GRM8: variants seen among roughly 807,000 people sequenced by gnomAD.
GRM8 encodes the protein glutamate metabotropic receptor 8.
Under a neutral mutation model 87.2 loss-of-function variants are expected in GRM8, and 47 were observed. The observed-to-expected ratio is 0.54, with a 90% CI of 0.43 to 0.69. The LOEUF is 0.69. Among genes scored for constraint, GRM8 ranks in the 30% least tolerant of loss-of-function variants. The probability of loss-of-function intolerance (pLI) is 0.00; values close to 1 mark genes in which losing one functional copy is unlikely to be tolerated. For missense variants in GRM8, 1,019 were observed against 1,139.2 expected (o/e 0.89, Z 1.52); for synonymous variants, 396 against 404.5 (o/e 0.98, Z 0.25).
rs540638817 is a variant in GRM8 at position 126,601,673 on chromosome 7, T to G, written c.1494+7689A>C. On this transcript the variant is annotated intron_variant, in intron 8 of 10. Coordinates refer to ENST00000339582, the MANE Select transcript of GRM8 (RefSeq NM_000845.3). ...ATAGTGGTTTTGATTTGCATTTCTCTGATGGCTAGTGATGATGAGCATTTT... is the reference window on the plus strand; with the variant it reads ...ATAGTGGTTTTGATTTGCATTTCTCGGATGGCTAGTGATGATGAGCATTTT... 9.6e-3 allele frequency among the ~76,000 whole-genome samples: 1,436 copies of G among 149,640 alleles called. 13 individuals carry two copies. Among genetic ancestry groups the G allele is most frequent in the African/African-American group, 0.033 (1,348 of 40,952 alleles).
intron 3 of GRM8, among the ~76,000 whole-genome samples, chr7:127,024,381 G>T (rs181242537): frequency 2.4e-3 from 369 of 152,154 alleles, no homozygotes; most frequent in Non-Finnish European, 4.0e-3. Flanking sequence ...ACCATCAGGG[G>T]TTTCCACTGT....
chr7:126,544,367 C>T (rs1816885127), intron 8 of GRM8, among the ~76,000 whole-genome samples: 1 of 152,086 alleles, frequency 6.6e-6, no homozygotes, highest in African/African-American at 2.4e-5. Context: ...CTAAACTTAT[C>T]GTTTCCTAAA....
intron 8 of GRM8, among the ~76,000 whole-genome samples, chr7:126,550,043 T>TA (rs35496722): frequency 0.048 from 7,249 of 150,796 alleles, 225 homozygotes; most frequent in Non-Finnish European, 0.075. Context: ...CAAACAGCAA[T>TA]AAAAAAAAAA....
At position 126,804,993 on chromosome 7, in the gene GRM8, T is replaced by C. The variant is rs1792512900; in HGVS notation, c.1157-34928A>G. On this transcript the variant is annotated intron_variant, in intron 6 of 10. Coordinates refer to ENST00000339582, the MANE Select transcript of GRM8 (RefSeq NM_000845.3). ...CTGTGGTCCTCTTACCACTCAATAT[T>C]CTCCATGAACCTATTCTGACACTTT... Among the ~76,000 whole-genome samples the C allele has an allele frequency of 3.9e-5, 6 of 152,292 alleles. No individual in the cohort carries two copies. The South Asian group carries it at 1.2e-3, about 32-fold the overall frequency.
chr7:126,851,731 C>G (rs567538257), intron 6 of GRM8, among the ~76,000 whole-genome samples: 1 of 152,126 alleles, frequency 6.6e-6, no homozygotes, highest in Non-Finnish European at 1.5e-5. Context: ...ACTCCAATGT[C>G]ATCTCAGGGT....
At chr7:126,858,157 G>A (rs80254577) in intron 6 of GRM8, among the ~76,000 whole-genome samples, 2,834 of 152,130 alleles carry the variant, frequency 0.019, 92 homozygotes, top group African/African-American at 0.064. Flanking sequence ...AGAAGAGGCT[G>A]GATCTGAGAT....
chr7:127,177,624 A>G (rs1226837127), intron 2 of GRM8, among the ~76,000 whole-genome samples: 1 of 152,186 alleles, frequency 6.6e-6, no homozygotes, highest in East Asian at 1.9e-4. Context: ...CCACCTGAAC[A>G]AGCACTGGTA....
intron 3 of GRM8, among the ~76,000 whole-genome samples, chr7:127,063,610 C>T (rs1477349245): frequency 2.0e-5 from 3 of 152,036 alleles, no homozygotes; most frequent in East Asian, 1.9e-4. Flanking sequence ...AATAAATAAA[C>T]TCATGGTTTC....
intron 2 of GRM8, among the ~76,000 whole-genome samples, chr7:127,136,822 A>G (rs1827968254): frequency 6.6e-6 from 1 of 151,864 alleles, no homozygotes. Flanking sequence ...ATGTGTACCA[A>G]GCAGAAGGGC....
intron 7 of GRM8, among the ~76,000 whole-genome samples, chr7:126,734,400 T>C (rs1317231483): frequency 6.6e-6 from 1 of 151,786 alleles, no homozygotes; most frequent in Non-Finnish European, 1.5e-5. Flanking sequence ...TAAATAATGA[T>C]ATACTAGCAC....
At chr7:127,187,411 G>GA (rs1794798393) in intron 2 of GRM8, among the ~76,000 whole-genome samples, 1 of 143,470 alleles carries the variant, frequency 7.0e-6, no homozygotes, top group Non-Finnish European at 1.6e-5. Flanking sequence ...AAGCAGGAGT[G>GA]GTTTTTTAAC....
At chr7:127,118,960 A>G (rs1826869898) in intron 2 of GRM8, among the ~76,000 whole-genome samples, 1 of 152,182 alleles carries the variant, frequency 6.6e-6, no homozygotes, top group East Asian at 1.9e-4. Context: ...GATCAGCTAA[A>G]TATTATCTGC....
chr7:126,942,759 G>C (rs745307196), intron 3 of GRM8, among the ~76,000 whole-genome samples: 3 of 152,114 alleles, frequency 2.0e-5, no homozygotes, highest in Non-Finnish European at 2.9e-5. Context: ...GAGACTCACC[G>C]GTGCTAACCT....
chr7:127,158,054 T>C (rs184611894), intron 2 of GRM8, among the ~76,000 whole-genome samples: 5 of 152,244 alleles, frequency 3.3e-5, no homozygotes, highest in African/African-American at 9.6e-5. Context: ...CCATCAAAGA[T>C]GGGTGGAGGC....
chr7:127,132,594 A>G (rs1249748189), intron 2 of GRM8, among the ~76,000 whole-genome samples: 2 of 152,058 alleles, frequency 1.3e-5, no homozygotes, highest in Non-Finnish European at 1.5e-5. Context: ...GGAGAGATGA[A>G]AGTGAGGAGG....
At chr7:127,217,867 A>T (rs1796663267) in intron 2 of GRM8, among the ~76,000 whole-genome samples, 1 of 152,208 alleles carries the variant, frequency 6.6e-6, no homozygotes, top group Admixed American at 6.5e-5. Context: ...TAAACAAATC[A>T]ATTATAAAAT....
intron 6 of GRM8, among the ~76,000 whole-genome samples, chr7:126,862,119 A>G (rs1163928814): frequency 6.6e-6 from 1 of 151,922 alleles, no homozygotes; most frequent in Non-Finnish European, 1.5e-5. Context: ...ATGTGTTTAA[A>G]TTTGTCTGCA....
intron 3 of GRM8, among the ~76,000 whole-genome samples, chr7:126,965,509 T>C (rs1207207459): frequency 6.6e-6 from 1 of 152,166 alleles, no homozygotes; most frequent in Non-Finnish European, 1.5e-5. Flanking sequence ...AGTCACATTT[T>C]AAAAAGTTTT....
intron 3 of GRM8, among the ~76,000 whole-genome samples, chr7:127,085,575 T>C (rs1823384158): frequency 6.6e-6 from 1 of 152,236 alleles, no homozygotes; most frequent in Admixed American, 6.5e-5. Flanking sequence ...GATGAGCATT[T>C]TTTCATATGT....
Sources: gnomAD v4.1 joint callset for allele counts (sites outside exome capture counted in the v4.1 genomes callset) on GRCh38, gnomAD v4.1.1 for gene constraint, MANE v1.5 for transcripts, NCBI Gene and HGNC (gene_info 2026-07-23, HGNC 2026-07-21) for gene names.